OR6C3: variants seen among roughly 807,000 people sequenced by gnomAD.
OR6C3 encodes the protein olfactory receptor 6C3.
For synonymous variants in OR6C3, 177 were observed against 137.4 expected, an observed-to-expected ratio of 1.29 and a Z score of -2.02; for missense variants, 487 against 364.6, an observed-to-expected ratio of 1.34 and a Z score of -2.73.
upstream of OR6C3, chr12:55,330,070 T>C (rs1592265637): frequency 6.6e-6 from 1 of 152,130 alleles, no homozygotes; most frequent in Non-Finnish European, 1.5e-5. Flanking sequence ...TGGTCTATAA[T>C]ACAGCAGAGA....
rs1469958752 is a variant in OR6C3, at chr12:55,332,315, G to C, written c.615G>C (p.Leu205=). ...IGFYFALVTL[L]FTLALVILSY... is the part of the protein sequence containing the mutation. ...TTTACTTTGCTTTGGTTACTTTGCT[G>C]TTCACTTTGGCATTAGTGATTTTAT... Residue 205 remains leucine, a synonymous_variant, in exon 2 of 2, where the codon CTG becomes CTC. Transcript: ENST00000641740. 18 of 1,613,870 alleles carry C rather than the reference G, an allele frequency of 1.1e-5. No individual in the cohort carries two copies. The highest frequency in any genetic ancestry group is 1.5e-5 in the Non-Finnish European group (18 of 1,180,024).
In OR6C3 at chr12:55,332,190, G is replaced by C. The variant is rs73324778; in HGVS notation, c.490G>C (p.Asp164His). Residue 164 changes from aspartate (D) to histidine (H), a missense_variant, in exon 2 of 2, where the codon GAT becomes CAT. Coordinates refer to ENST00000641740, the MANE Select transcript of OR6C3 (RefSeq NM_001388498.1). ...ACCCCTTATGCTTCTCCTCCAGCTG[G>C]ATTACTGTGCTTCCAACGTCATTGA... ...FPPLMLLLQL[D>H]YCASNVIDHF... is the part of the protein sequence containing the mutation. The C allele has an allele frequency of 1.0e-3, 1,675 of 1,613,932 alleles. 2 individuals are homozygous for C. The highest frequency in any genetic ancestry group is 1.3e-3 in the Non-Finnish European group (1,540 of 1,180,010).
At position 55,331,889 on chromosome 12, in the gene OR6C3, C is replaced by G; in HGVS notation, c.189C>G (p.Phe63Leu). The change falls in exon 2 of 2, where the codon TTC becomes TTG. Residue 63 changes from phenylalanine to leucine, a missense_variant. Physicochemically the swap from Phe to Leu is conservative, Grantham distance 22. Coordinates refer to ENST00000641740, the MANE Select transcript of OR6C3 (RefSeq NM_001388498.1). ...CTATGTATTTCTTCCTCCGGAACTT[C>G]TCTTTCTTAGAAATCTCATTTACAA... ...QTPMYFFLRN[F>L]SFLEISFTTV... 6.2e-7 allele frequency: 1 copy of G among 1,614,166 alleles called. No homozygotes were observed. Among genetic ancestry groups the G allele is most frequent in the South Asian group, 1.1e-5 (1 of 91,080 alleles).
In OR6C3 at chr12:55,331,718, C is replaced by G. The variant is rs772025619; in HGVS notation, c.18C>G (p.Val6=). Residue 6 remains valine (V), a synonymous_variant, in exon 2 of 2, where the codon GTC becomes GTG. Coordinates refer to ENST00000641740, the MANE Select transcript of OR6C3 (RefSeq NM_001388498.1). ...GACGAGACATGAACCACACAATGGT[C>G]ACAGAGTTTGTCCTCCTGGGCCTTT... The part of the protein sequence containing the change: MNHTM[V]TEFVLLGLSD... The G allele has an allele frequency of 1.2e-6, 2 of 1,612,036 alleles. No individual in the cohort carries two copies. The highest frequency in any genetic ancestry group is 1.7e-6 in the Non-Finnish European group (2 of 1,178,458).
Position 55,332,123 on chromosome 12 carries a change from T to A in OR6C3, c.423T>A (p.Leu141=). Residue 141 remains leucine, a synonymous_variant, in exon 2 of 2, where the codon CTT becomes CTA. Coordinates refer to ENST00000641740, the MANE Select transcript of OR6C3 (RefSeq NM_001388498.1). ...TGAACAGGAAACTCTGCACTCTACT[T>A]GTGCTGTGTGCCTGGCTAAGTGGGT... ...SIMNRKLCTL[L]VLCAWLSGFL... 6.2e-7 allele frequency: 1 copy of A among 1,614,154 alleles called. No individual in the cohort carries two copies. Among genetic ancestry groups the A allele is most frequent in the Non-Finnish European group, 8.5e-7 (1 of 1,180,020 alleles).
Position 55,331,749 on chromosome 12 carries a change from G to A in OR6C3, c.49G>A (p.Asp17Asn). The A allele has an allele frequency of 6.2e-7, 1 of 1,613,950 alleles. No homozygotes were observed. Among genetic ancestry groups the A allele is most frequent in the Non-Finnish European group, 8.5e-7 (1 of 1,179,896 alleles). The change falls in exon 2 of 2, where the codon GAT becomes AAT. Residue 17 changes from aspartate (D) to asparagine (N), a missense_variant. Coordinates refer to ENST00000641740, the MANE Select transcript of OR6C3 (RefSeq NM_001388498.1). ...TEFVLLGLSD[D>N]PDLQIVIFLF... is the part of the protein sequence containing the mutation. ...GTTTGTCCTCCTGGGCCTTTCTGAT[G>A]ATCCTGACCTTCAGATTGTGATTTT...
chr12:55,332,120 A>G lies in OR6C3; in HGVS notation c.420A>G (p.Leu140=). ...TSIMNRKLCT[L]LVLCAWLSGF... The stretch of plus-strand genomic sequence containing the variant: ...TCATGAACAGGAAACTCTGCACTCT[A>G]CTTGTGCTGTGTGCCTGGCTAAGTG... Residue 140 remains leucine (L), a synonymous_variant, in exon 2 of 2, where the codon CTA becomes CTG. Transcript: ENST00000641740. The G allele has an allele frequency of 6.2e-7, 1 of 1,614,010 alleles. No individual in the cohort carries two copies. Among genetic ancestry groups the G allele is most frequent in the Non-Finnish European group, 8.5e-7 (1 of 1,179,994 alleles).
Position 55,332,313 on chromosome 12 carries a change from C to T in OR6C3, c.613C>T (p.Leu205=), listed in dbSNP as rs1868889036. The change falls in exon 2 of 2, where the codon CTG becomes TTG. Residue 205 remains leucine (L), a synonymous_variant. Coordinates refer to ENST00000641740, the MANE Select transcript of OR6C3 (RefSeq NM_001388498.1). Reference sequence around the variant, plus strand: ...TTTTTACTTTGCTTTGGTTACTTTGCTGTTCACTTTGGCATTAGTGATTTT... The same window carrying T: ...TTTTTACTTTGCTTTGGTTACTTTGTTGTTCACTTTGGCATTAGTGATTTT... ...IGFYFALVTL[L]FTLALVILSY... The T allele has an allele frequency of 6.2e-7, 1 of 1,614,076 alleles. No individual in the cohort carries two copies. Among genetic ancestry groups the T allele is most frequent in the African/African-American group, 1.3e-5 (1 of 75,044 alleles).
chr12:55,332,540 C>A lies in OR6C3; in HGVS notation c.840C>A (p.Pro280=). 6.2e-6 allele frequency: 10 copies of A among 1,613,632 alleles called. No individual in the cohort carries two copies. The highest frequency in any genetic ancestry group is 7.6e-6 in the Non-Finnish European group (9 of 1,179,964). The change falls in exon 2 of 2, where the codon CCC becomes CCA. Residue 280 remains proline, a synonymous_variant. Transcript: ENST00000641740. ...GIAILNTSVA[P]MLNPFIYTLR... is the part of the protein sequence containing the mutation. Reference sequence around the variant, plus strand: ...CTATTCTCAATACATCTGTTGCCCCCATGCTGAACCCCTTCATTTACACTC... The same window carrying A: ...CTATTCTCAATACATCTGTTGCCCCAATGCTGAACCCCTTCATTTACACTC...
At chr12:55,330,178 A>G (rs1187832921), upstream of OR6C3, 1 of 152,160 alleles carries the variant, frequency 6.6e-6, no homozygotes, top group Admixed American at 6.6e-5. Context: ...ACCAGGGGGA[A>G]CCCAGATACC....
upstream of OR6C3, chr12:55,330,694 T>A (rs761572599): frequency 2.6e-5 from 4 of 152,166 alleles, no homozygotes; most frequent in African/African-American, 4.8e-5. Flanking sequence ...TGGTCTTATG[T>A]GGGACAAAAT....
Position 55,331,655 on chromosome 12 carries a change from A to G in OR6C3, c.-44-2A>G. 2 of 1,251,482 alleles carry G rather than the reference A, an allele frequency of 1.6e-6. No individual in the cohort carries two copies. Among genetic ancestry groups the G allele is most frequent in the Non-Finnish European group, 2.3e-6 (2 of 888,512 alleles). 77.5% of individuals were successfully genotyped at this position (1,251,482 alleles called of 1,614,324 possible). ...ATCATTCTACCAAAATATCTTTAAA[A>G]GAACAAAAAGGAGAGTGGAAGAAGG... On this transcript the variant is annotated splice_acceptor_variant, in intron 1 of 1. Coordinates refer to ENST00000641740, the MANE Select transcript of OR6C3 (RefSeq NM_001388498.1). LOFTEE classifies it low-confidence loss of function (5UTR_SPLICE).
chr12:55,332,061 G>C lies in OR6C3; in HGVS notation c.361G>C (p.Val121Leu). The change falls in exon 2 of 2, where the codon GTT (valine) becomes CTT (leucine). Residue 121 changes from valine (V) to leucine (L), a missense_variant. Val to Leu is a conservative substitution (Grantham distance 32). Transcript: ENST00000641740. ...ILTAMSYDRY[V>L]AICKPLHYTS... Reference sequence around the variant, plus strand: ...AACTGCCATGTCCTATGACCGCTATGTTGCCATCTGCAAGCCCCTTCATTA... The same window carrying C: ...AACTGCCATGTCCTATGACCGCTATCTTGCCATCTGCAAGCCCCTTCATTA... 6.2e-7 allele frequency: 1 copy of C among 1,614,104 alleles called. No individual in the cohort carries two copies. Among genetic ancestry groups the C allele is most frequent in the Non-Finnish European group, 8.5e-7 (1 of 1,180,004 alleles).
Position 55,332,588 on chromosome 12 carries a change from A to T in OR6C3, c.888A>T (p.Gln296His), listed in dbSNP as rs1275383875. The T allele has an allele frequency of 1.2e-6, 2 of 1,607,962 alleles. No homozygotes were observed. The highest frequency in any genetic ancestry group is 1.7e-6 in the Non-Finnish European group (2 of 1,178,986). The change falls in exon 2 of 2, where the codon CAA becomes CAT. Residue 296 changes from glutamine (Q) to histidine (H), a missense_variant. Coordinates refer to ENST00000641740, the MANE Select transcript of OR6C3 (RefSeq NM_001388498.1). ...IYTLRNQQVKQAFKNVVHKVV... is the reference protein window; with the variant it reads ...IYTLRNQQVKHAFKNVVHKVV... The stretch of plus-strand genomic sequence containing the variant: ...CTCTGAGAAACCAGCAAGTAAAACA[A>T]GCCTTCAAAAATGTGGTCCACAAAG...
chr12:55,331,656 G>A lies in OR6C3; in HGVS notation c.-44-1G>A, dbSNP rs1247584692. 2 of 1,260,366 alleles carry A rather than the reference G, an allele frequency of 1.6e-6. No homozygotes were observed. The highest frequency in any genetic ancestry group is 2.2e-6 in the Non-Finnish European group (2 of 896,236). The allele number at this position is 1,260,366 out of a possible 1,614,324, so 78.1% of individuals were successfully genotyped here. On this transcript the variant is annotated splice_acceptor_variant, in intron 1 of 1. Transcript: ENST00000641740. LOFTEE classifies it low-confidence loss of function (5UTR_SPLICE). ...TCATTCTACCAAAATATCTTTAAAA[G>A]AACAAAAAGGAGAGTGGAAGAAGGA...
Position 55,332,030 on chromosome 12 carries a change from C to A in OR6C3, c.330C>A (p.Tyr110Ter). ...TCTTCATGGGGGTGACTGAATTTTA[C>A]ATTTTAACTGCCATGTCCTATGACC... is the stretch of plus-strand genomic sequence containing the variant. ...FFIFMGVTEFYILTAMSYDRY... is the reference protein window; with the variant it reads ...FFIFMGVTEF Residue 110 changes from tyrosine (Y) to a stop codon, truncating the protein, a stop_gained, in exon 2 of 2, where the codon TAC (tyrosine) becomes TAA (stop). Transcript: ENST00000641740. LOFTEE classifies it low-confidence loss of function (END_TRUNC). The A allele has an allele frequency of 6.2e-7, 1 of 1,614,130 alleles. No individual in the cohort carries two copies.
In OR6C3 at chr12:55,332,527, C is replaced by A; in HGVS notation, c.827C>A (p.Thr276Lys). The change falls in exon 2 of 2, where the codon ACA (threonine) becomes AAA (lysine). Residue 276 changes from threonine to lysine, a missense_variant. Coordinates refer to ENST00000641740, the MANE Select transcript of OR6C3 (RefSeq NM_001388498.1). ...ACAAAAGGAATAGCTATTCTCAATA[C>A]ATCTGTTGCCCCCATGCTGAACCCC... ...SLTKGIAILN[T>K]SVAPMLNPFI... 6.2e-7 allele frequency: 1 copy of A among 1,613,690 alleles called. No homozygotes were observed. Among genetic ancestry groups the A allele is most frequent in the Non-Finnish European group, 8.5e-7 (1 of 1,179,846 alleles).
At chr12:55,331,313 G>A (rs1367215200) in intron 1 of OR6C3, among the ~76,000 whole-genome samples, 15 of 151,240 alleles carry the variant, frequency 9.9e-5, no homozygotes, top group African/African-American at 3.2e-4. Flanking sequence ...TATACATGAT[G>A]AAAAAAAGAA....
Position 55,331,720 on chromosome 12 carries a change from CAG to C in OR6C3, c.23_24del (p.Glu8ValfsTer8), listed in dbSNP as rs1458356584. On this transcript the variant is annotated frameshift_variant, in exon 2 of 2. Transcript: ENST00000641740. LOFTEE classifies it low-confidence loss of function (END_TRUNC). ...CGAGACATGAACCACACAATGGTCACAGAGTTTGTCCTCCTGGGCCTTTCTGA... is the reference window on the plus strand; with the variant it reads ...CGAGACATGAACCACACAATGGTCACAGTTTGTCCTCCTGGGCCTTTCTGA... The C allele has an allele frequency of 2.7e-5, 44 of 1,612,370 alleles. No individual in the cohort carries two copies. The highest frequency in any genetic ancestry group is 3.6e-5 in the Non-Finnish European group (43 of 1,178,800).
Sources: allele counts gnomAD v4.1 joint callset (sites outside exome capture counted in the v4.1 genomes callset), GRCh38; gene constraint gnomAD v4.1.1; transcripts MANE v1.5; gene names NCBI Gene and HGNC (gene_info 2026-07-23, HGNC 2026-07-21).